The following NAV3 variants were observed in gnomAD, a reference collection of about 807,000 sequenced individuals.
NAV3 encodes the protein neuron navigator 3.
In NAV3, 87 loss-of-function variants were observed where a neutral mutation model predicts 244.7. The observed-to-expected ratio is 0.36, with a 90% CI of 0.30 to 0.42. NAV3 has a LOEUF of 0.42. Among genes scored for constraint, NAV3 ranks in the 20% least tolerant of loss-of-function variants. The pLI is 1.00. For missense variants in NAV3, 2,663 were observed against 2,893.3 expected, an observed-to-expected ratio of 0.92 and a Z score of 1.83; for synonymous variants, 1,126 against 1,042.2, an observed-to-expected ratio of 1.08 and a Z score of -1.55.
intron 2 of NAV3, among the ~76,000 whole-genome samples, chr12:77,583,388 T>G (rs185581942): frequency 2.8e-4 from 42 of 152,344 alleles, no homozygotes; most frequent in African/African-American, 9.6e-4. Context: ...AAATGACAGA[T>G]AAGTAACACC....
At chr12:78,130,243 T>G (rs1012173090) in intron 18 of NAV3, 2 of 155,566 alleles carry the variant, frequency 1.3e-5, no homozygotes, top group Non-Finnish European at 2.9e-5. Context: ...TTCTAACTCC[T>G]TAGGGACACA....
chr12:77,998,894 C>A (rs772298291), intron 7 of NAV3, among the ~76,000 whole-genome samples: 1 of 152,102 alleles, frequency 6.6e-6, no homozygotes, highest in South Asian at 2.1e-4. Context: ...AAATTTGAAA[C>A]ATAATTACAG....
At chr12:78,166,101 G>A (rs923410960) in intron 23 of NAV3, among the ~76,000 whole-genome samples, 7 of 151,700 alleles carry the variant, frequency 4.6e-5, no homozygotes, top group African/African-American at 1.5e-4. Context: ...TAAATCAAGC[G>A]AAAAAATATA....
rs374397379 is a variant in NAV3, at chr12:77,792,946, G to A, written c.73-147373G>A. The stretch of plus-strand genomic sequence containing the variant: ...TACTATGGCCCTTCAAGTGTGCTGG[G>A]TCATGGCTAATTCATTGCATGATTT... On this transcript the variant is annotated intron_variant, in intron 2 of 8. Transcript: ENST00000550042. Among the ~76,000 whole-genome samples the A allele has an allele frequency of 5.3e-5, 8 of 152,114 alleles. No homozygotes were observed. The East Asian group carries it at 5.8e-4, about 11-fold the overall frequency.
intron 1 of NAV3, among the ~76,000 whole-genome samples, chr12:77,835,710 G>A (rs1592736650): frequency 6.6e-6 from 1 of 152,086 alleles, no homozygotes; most frequent in African/African-American, 2.4e-5. Context: ...TTCCAAATTG[G>A]TATCGTCTCC....
rs1870554837 is a variant in NAV3 at position 77,779,455 on chromosome 12, A to AC, written c.73-160862dup. Among the ~76,000 whole-genome samples the AC allele has an allele frequency of 2.0e-5, 3 of 152,322 alleles. No individual in the cohort carries two copies. In the South Asian group the frequency reaches 6.2e-4, roughly 32 times the overall value. On this transcript the variant is annotated intron_variant, in intron 2 of 8. Transcript: ENST00000550042. ...AAGAACTAATACGTACAGGTAGGCCACCATGTTGTACAACTCCATGAAGTT... is the reference window on the plus strand; with the variant it reads ...AAGAACTAATACGTACAGGTAGGCCACCCATGTTGTACAACTCCATGAAGTT...
At chr12:77,579,478 A>C (rs1018615387) in intron 2 of NAV3, among the ~76,000 whole-genome samples, 1 of 152,240 alleles carries the variant, frequency 6.6e-6, no homozygotes, top group Non-Finnish European at 1.5e-5. Flanking sequence ...CTCTTGCTGC[A>C]TCATCACAGA....
intron 2 of NAV3, among the ~76,000 whole-genome samples, chr12:77,756,976 CA>C (rs1225902384): frequency 3.3e-5 from 5 of 152,162 alleles, no homozygotes; most frequent in African/African-American, 7.2e-5. Context: ...TTCCCATTTT[CA>C]ATTTATTCAG....
chr12:77,969,012 A>G (rs1163255192), intron 5 of NAV3, among the ~76,000 whole-genome samples: 2 of 152,114 alleles, frequency 1.3e-5, no homozygotes, highest in Non-Finnish European at 2.9e-5. Flanking sequence ...TAGTATTTAG[A>G]ATGTGCTATT....
intron 9 of NAV3, among the ~76,000 whole-genome samples, chr12:78,031,726 C>T (rs555085045): frequency 4.3e-4 from 46 of 107,428 alleles, no homozygotes; most frequent in Admixed American, 1.4e-3. Flanking sequence ...CACACTCTGG[C>T]GACTGTGGTG....
At chr12:78,023,707 T>C (rs554833552) in intron 9 of NAV3, among the ~76,000 whole-genome samples, 7 of 152,164 alleles carry the variant, frequency 4.6e-5, no homozygotes, top group African/African-American at 7.2e-5. Context: ...AGTACTATAA[T>C]TGAAGAAATT....
intron 2 of NAV3, among the ~76,000 whole-genome samples, chr12:77,693,034 A>C (rs1379912581): frequency 1.3e-5 from 2 of 152,130 alleles, no homozygotes; most frequent in Non-Finnish European, 2.9e-5. Flanking sequence ...TTAGGGAAGC[A>C]GCGTGTATAA....
chr12:77,860,642 C>G (rs1221912458), intron 1 of NAV3, among the ~76,000 whole-genome samples: 2 of 151,718 alleles, frequency 1.3e-5, no homozygotes. Flanking sequence ...TTTTGCTAAA[C>G]AAGATTGCTA....
At chr12:77,959,045 A>C (rs145807800) in intron 3 of NAV3, among the ~76,000 whole-genome samples, 345 of 152,302 alleles carry the variant, frequency 2.3e-3, no homozygotes, top group African/African-American at 7.9e-3. Flanking sequence ...TCCAAATAAG[A>C]AAAATATAAT....
In NAV3 at chr12:78,127,201, G is replaced by A. The variant is rs372546834; in HGVS notation, c.4273G>A (p.Gly1425Arg). The change falls in exon 17 of 40, where the codon GGA becomes AGA. Residue 1425 changes from glycine (G) to arginine (R), a missense_variant. Transcript: ENST00000397909. ...QLDRNTLPKK[G>R]LRYTPSSRQA... Reference sequence around the variant, plus strand: ...TGACAGAAATACACTACCCAAAAAGGGACTAAGGTATATATTCCTCTCAGC... The same window carrying A: ...TGACAGAAATACACTACCCAAAAAGAGACTAAGGTATATATTCCTCTCAGC... The A allele has an allele frequency of 6.2e-7, 1 of 1,613,308 alleles. No homozygotes were observed. Among genetic ancestry groups the A allele is most frequent in the Non-Finnish European group, 8.5e-7 (1 of 1,179,570 alleles).
chr12:78,150,629 C>CCACACACACACACACACACA (rs765969323), intron 22 of NAV3, among the ~76,000 whole-genome samples: 3 of 122,532 alleles, frequency 2.4e-5, no homozygotes, highest in African/African-American at 2.9e-5. Context: ...GCAAAAGCTT[C>CCACACACACACACACACACA]CTCACACACA....
At chr12:77,593,304 A>G (rs76578431) in intron 2 of NAV3, among the ~76,000 whole-genome samples, 4,501 of 127,238 alleles carry the variant, frequency 0.035, 234 homozygotes, top group African/African-American at 0.12. Flanking sequence ...GTGTGTGTGT[A>G]TTCCTTAGGG....
intron 5 of NAV3, among the ~76,000 whole-genome samples, chr12:77,991,773 T>A (rs903992936): frequency 6.6e-6 from 1 of 152,088 alleles, no homozygotes; most frequent in African/African-American, 2.4e-5. Context: ...TGTCTCACAC[T>A]TGTAATCCCA....
At chr12:78,162,937 A>G (rs1957623912) in intron 23 of NAV3, among the ~76,000 whole-genome samples, 1 of 122,998 alleles carries the variant, frequency 8.1e-6, no homozygotes, top group Non-Finnish European at 1.6e-5. Context: ...TATAAATTAC[A>G]TATTTATAAA....
Sources: gnomAD v4.1 joint callset for allele counts (sites outside exome capture counted in the v4.1 genomes callset) on GRCh38, gnomAD v4.1.1 for gene constraint, MANE v1.5 for transcripts, NCBI Gene and HGNC (gene_info 2026-07-23, HGNC 2026-07-21) for gene names.